The following MRTFA variants were observed in gnomAD, a reference collection of about 807,000 sequenced individuals.
MRTFA encodes the protein myocardin-related transcription factor A.
Under a neutral mutation model 83.5 loss-of-function variants are expected in MRTFA, and 20 were observed. That is an observed-to-expected ratio of 0.24 (90% CI 0.17 to 0.35). MRTFA has a LOEUF of 0.35. Ranked by LOEUF, MRTFA falls within the 10% of genes least tolerant of loss-of-function variation. The pLI is 1.00. For missense variants in MRTFA, 1,200 were observed against 1,224.7 expected, an observed-to-expected ratio of 0.98 and a Z score of 0.30; for synonymous variants, 659 against 541.2, an observed-to-expected ratio of 1.22 and a Z score of -3.02.
intron 3 of MRTFA, among the ~76,000 whole-genome samples, chr22:40,542,871 G>C (rs1235891270): frequency 1.3e-5 from 2 of 152,206 alleles, no homozygotes; most frequent in African/African-American, 4.8e-5. Context: ...AAGAACACTA[G>C]AGGGATATAA....
intron 2 of MRTFA, among the ~76,000 whole-genome samples, chr22:40,590,022 G>GAA (rs1189334273): frequency 5.1e-4 from 48 of 94,200 alleles, no homozygotes; most frequent in African/African-American, 1.0e-3. Flanking sequence ...ACTCCGTCTC[G>GAA]AAAAAAAAAA....
chr22:40,622,374 G>A (rs919021301), intron 1 of MRTFA, among the ~76,000 whole-genome samples: 6 of 151,808 alleles, frequency 4.0e-5, no homozygotes, highest in South Asian at 2.1e-4. Flanking sequence ...CCAGCTACTC[G>A]GGAGGCTGAG....
intron 7 of MRTFA, among the ~76,000 whole-genome samples, chr22:40,426,848 G>A (rs1462236275): frequency 2.0e-5 from 3 of 152,174 alleles, no homozygotes; most frequent in Non-Finnish European, 4.4e-5. Flanking sequence ...GCTGACAACA[G>A]CAGCAACCAT....
chr22:40,586,897 C>CTGCTGGTGCTGCTGGTGCTGG (rs2056037670), intron 2 of MRTFA: 57 of 433,206 alleles, frequency 1.3e-4, no homozygotes, highest in South Asian at 9.4e-4. Context: ...GCTGCTGGTG[C>CTGCTGGTGCTGCTGGTGCTGG]TGCTGGTGCT....
chr22:40,533,715 T>G, intron 3 of MRTFA: 1 of 847,068 alleles, frequency 1.2e-6, no homozygotes, highest in Non-Finnish European at 1.6e-6. Context: ...TCTTGAAAGC[T>G]TTCACAAATT....
intron 7 of MRTFA, among the ~76,000 whole-genome samples, chr22:40,428,912 C>G (rs574572180): frequency 1.3e-5 from 2 of 152,192 alleles, no homozygotes; most frequent in Non-Finnish European, 2.9e-5. Context: ...CCCTCTCCCA[C>G]ACGCTTTCAT....
chr22:40,614,750 G>A (rs1021968920), intron 1 of MRTFA, among the ~76,000 whole-genome samples: 1 of 152,174 alleles, frequency 6.6e-6, no homozygotes, highest in Admixed American at 6.5e-5. Flanking sequence ...GCCTCCCAAA[G>A]TGCTGGGATT....
chr22:40,599,435 G>A (rs983944799), intron 1 of MRTFA, among the ~76,000 whole-genome samples: 2 of 152,156 alleles, frequency 1.3e-5, no homozygotes, highest in African/African-American at 4.8e-5. Flanking sequence ...AAGGGGATGA[G>A]AATAATTTTT....
intron 4 of MRTFA, among the ~76,000 whole-genome samples, chr22:40,458,808 A>G (rs1382844509): frequency 6.6e-6 from 1 of 152,070 alleles, no homozygotes; most frequent in African/African-American, 2.4e-5. Context: ...CCGGGCGTGG[A>G]GGCTCATGCC....
At chr22:40,423,278 G>A (rs1354866742) in intron 9 of MRTFA, among the ~76,000 whole-genome samples, 1 of 152,172 alleles carries the variant, frequency 6.6e-6, no homozygotes, top group Non-Finnish European at 1.5e-5. Flanking sequence ...ATAATGTGTG[G>A]GAATGACTTC....
intron 4 of MRTFA, among the ~76,000 whole-genome samples, chr22:40,458,041 G>C (rs368449741): frequency 1.4e-4 from 21 of 152,184 alleles, no homozygotes; most frequent in African/African-American, 5.1e-4. Context: ...GAAGCTTTGA[G>C]AACAAAGTGT....
chr22:40,554,940 G>C (rs1772426935), intron 2 of MRTFA, among the ~76,000 whole-genome samples: 1 of 152,220 alleles, frequency 6.6e-6, no homozygotes, highest in African/African-American at 2.4e-5. Context: ...GATTGTTTTG[G>C]AGCTTTAAGA....
intron 4 of MRTFA, among the ~76,000 whole-genome samples, chr22:40,454,142 TGGGGGTGTGAGGGA>T (rs2053543986): frequency 6.6e-6 from 1 of 152,070 alleles, no homozygotes; most frequent in Non-Finnish European, 1.5e-5. Context: ...TCCTTTTGGG[TGGGGGTGTGAGGGA>T]GGCAGGGTCT....
chr22:40,445,896 G>A (rs2053368582), intron 4 of MRTFA, among the ~76,000 whole-genome samples: 1 of 152,140 alleles, frequency 6.6e-6, no homozygotes, highest in South Asian at 2.1e-4. Context: ...TTGTCAATTT[G>A]GTCACAATCT....
chr22:40,599,589 G>A (rs2056233657), intron 1 of MRTFA, among the ~76,000 whole-genome samples: 1 of 152,072 alleles, frequency 6.6e-6, no homozygotes, highest in African/African-American at 2.4e-5. Flanking sequence ...TTTAGGGGAA[G>A]AGAATGCAAA....
In MRTFA at chr22:40,418,933, C is replaced by A; in HGVS notation, c.1805G>T (p.Gly602Val). Residue 602 changes from glycine to valine, a missense_variant, in exon 12 of 15, where the codon GGC (glycine) becomes GTC (valine). Gly to Val is a moderately radical substitution (Grantham distance 109, BLOSUM62 -3). Transcript: ENST00000355630. ...CAGGCAACAGGACCCGGCCCGGGGGCCCTCCTCCTTCACGAGGATCTGCAG... is the reference window on the plus strand; with the variant it reads ...CAGGCAACAGGACCCGGCCCGGGGGACCTCCTCCTTCACGAGGATCTGCAG... 1.2e-6 allele frequency: 2 copies of A among 1,612,804 alleles called. No individual in the cohort carries two copies.
At chr22:40,481,478 C>T (rs1442047304) in intron 3 of MRTFA, among the ~76,000 whole-genome samples, 2 of 152,068 alleles carry the variant, frequency 1.3e-5, no homozygotes, top group Admixed American at 6.5e-5. Flanking sequence ...AACATATGCT[C>T]TAGCAGGGAA....
intron 2 of MRTFA, among the ~76,000 whole-genome samples, chr22:40,581,497 G>A (rs2055946943): frequency 6.6e-6 from 1 of 152,188 alleles, no homozygotes; most frequent in African/African-American, 2.4e-5. Context: ...TTAACAATTG[G>A]TAGTATGAGA....
intron 4 of MRTFA, among the ~76,000 whole-genome samples, chr22:40,442,839 T>C (rs1286523449): frequency 6.6e-6 from 1 of 151,866 alleles, no homozygotes; most frequent in East Asian, 1.9e-4. Flanking sequence ...AACACAAACA[T>C]GAAGGTATAA....
Sources: allele counts gnomAD v4.1 joint callset (sites outside exome capture counted in the v4.1 genomes callset), GRCh38; gene constraint gnomAD v4.1.1; transcripts MANE v1.5; gene names NCBI Gene and HGNC (gene_info 2026-07-23, HGNC 2026-07-21).